The following HDAC4 variants were observed in gnomAD, a reference collection of about 807,000 sequenced individuals.
The protein encoded by HDAC4 is histone deacetylase A.
A neutral mutation model predicts 135.1 loss-of-function variants in HDAC4; 16 were observed. That is an observed-to-expected ratio of 0.12 (90% confidence interval 0.08 to 0.18). The LOEUF (loss-of-function observed/expected upper bound fraction) is 0.18. Ranked by LOEUF, HDAC4 falls within the 10% of genes least tolerant of loss-of-function variation. HDAC4 has a pLI of 1.00. For missense variants in HDAC4, 1,143 were observed against 1,511.8 expected (o/e 0.76, Z 4.05); for synonymous variants, 685 against 653.4 (o/e 1.05, Z -0.74).
intron 1 of HDAC4, among the ~76,000 whole-genome samples, chr2:239,387,062 T>C (rs1400031726): frequency 2.0e-5 from 3 of 151,940 alleles, no homozygotes; most frequent in Admixed American, 6.5e-5. Flanking sequence ...TGAGGGTGTG[T>C]GCGTGTCCGG....
intron 11 of HDAC4, among the ~76,000 whole-genome samples, chr2:239,127,078 G>C (rs893715910): frequency 1.3e-5 from 2 of 152,180 alleles, no homozygotes; most frequent in African/African-American, 4.8e-5. Flanking sequence ...TGGGAGGGGA[G>C]AGAGGGCCAC....
intron 15 of HDAC4, among the ~76,000 whole-genome samples, chr2:239,104,367 T>G (rs2037934126): frequency 6.6e-6 from 1 of 152,186 alleles, no homozygotes; most frequent in Admixed American, 6.5e-5. Context: ...TAGCTGGGAT[T>G]ATAGGTGCCC....
chr2:239,182,865 G>A (rs915415249), intron 4 of HDAC4, among the ~76,000 whole-genome samples: 2 of 152,194 alleles, frequency 1.3e-5, no homozygotes, highest in African/African-American at 4.8e-5. Flanking sequence ...CTAGCATCGT[G>A]AATAGGTACT....
intron 1 of HDAC4, among the ~76,000 whole-genome samples, chr2:239,386,236 G>A (rs2126081640): frequency 6.6e-6 from 1 of 152,226 alleles, no homozygotes; most frequent in African/African-American, 2.4e-5. Flanking sequence ...CTGGGGCTGG[G>A]GCGGCCGCAC....
At chr2:239,147,523 G>C (rs1373818953) in intron 7 of HDAC4, among the ~76,000 whole-genome samples, 1 of 152,290 alleles carries the variant, frequency 6.6e-6, no homozygotes, top group Non-Finnish European at 1.5e-5. Context: ...GCTCAGTGCA[G>C]CAGCCCCTTC....
Position 239,349,838 on chromosome 2 carries a change from A to T in HDAC4, c.22+2840T>A, listed in dbSNP as rs1692991708. On this transcript the variant is annotated intron_variant, in intron 2 of 26. Transcript: ENST00000543185. This position sits in a 1 kb window ranked among gnomAD's most constrained non-coding sequence, Gnocchi z 5.7. ...TCAGCTGTACCCCCTGCACAGATGGAGAGCAGAGAATGGGCTGGGCCAAGG... is the reference window on the plus strand; with the variant it reads ...TCAGCTGTACCCCCTGCACAGATGGTGAGCAGAGAATGGGCTGGGCCAAGG... Among the ~76,000 whole-genome samples the T allele has an allele frequency of 6.6e-6, 1 of 152,222 alleles. No individual in the cohort carries two copies. Among genetic ancestry groups the T allele is most frequent in the South Asian group, 2.1e-4 (1 of 4,832 alleles).
At position 239,232,135 on chromosome 2, in the gene HDAC4, C is replaced by A. The variant is rs538681919; in HGVS notation, c.94+4458G>T. ...GCTGGAAGCCAGCTCGACCTCCAGC[C>A]TTGGAACCCAACACCCACCACTTTA... On this transcript the variant is annotated intron_variant, in intron 3 of 26. Coordinates refer to ENST00000543185, the MANE Select transcript of HDAC4 (RefSeq NM_001378414.1). Among the ~76,000 whole-genome samples the A allele has an allele frequency of 1.1e-3, 175 of 152,226 alleles. 1 individual carries two copies. Among genetic ancestry groups the A allele is most frequent in the Admixed American group, 1.6e-3 (25 of 15,290 alleles).
In HDAC4 at chr2:239,163,215, C is replaced by A. The variant is rs190779389; in HGVS notation, c.611+588G>T. Reference sequence around the variant, plus strand: ...TTCTTAGTATAAAATAATAGAAGTACCACGGGGGCTTCCTGACTAGCCTAA... The same window carrying A: ...TTCTTAGTATAAAATAATAGAAGTAACACGGGGGCTTCCTGACTAGCCTAA... On this transcript the variant is annotated intron_variant, in intron 6 of 26. Transcript: ENST00000543185. Among the ~76,000 whole-genome samples the A allele has an allele frequency of 3.6e-4, 55 of 152,274 alleles. 1 individual carries two copies. The East Asian group carries it at 0.01, about 28-fold the overall frequency.
chr2:239,157,797 T>A (rs2042521764), intron 6 of HDAC4, among the ~76,000 whole-genome samples: 1 of 152,166 alleles, frequency 6.6e-6, no homozygotes, highest in Non-Finnish European at 1.5e-5. Context: ...TACAGGTGTA[T>A]ATTTAAATAT....
intron 2 of HDAC4, among the ~76,000 whole-genome samples, chr2:239,341,447 G>A (rs1439809467): frequency 6.6e-6 from 1 of 152,242 alleles, no homozygotes; most frequent in Admixed American, 6.5e-5. Context: ...AAAACAAAGA[G>A]TGTCAAGAAT....
intron 16 of HDAC4, among the ~76,000 whole-genome samples, chr2:239,101,875 C>T (rs977941124): frequency 3.3e-5 from 5 of 150,620 alleles, no homozygotes; most frequent in Non-Finnish European, 5.9e-5. Context: ...TGGACACCCC[C>T]GGCCCCGGGT....
At chr2:239,212,088 C>T (rs2046378669) in intron 3 of HDAC4, among the ~76,000 whole-genome samples, 1 of 152,144 alleles carries the variant, frequency 6.6e-6, no homozygotes, top group African/African-American at 2.4e-5. Flanking sequence ...GTTGGGAAAA[C>T]GATGTTCTGT....
chr2:239,397,382 A>G (rs976253921), intron 1 of HDAC4, among the ~76,000 whole-genome samples: 1 of 152,198 alleles, frequency 6.6e-6, no homozygotes, highest in African/African-American at 2.4e-5. Context: ...ATCTGGCGTC[A>G]GCTACGGGAG....
At chr2:239,089,831 G>T in intron 18 of HDAC4, 178 bp downstream of exon 18, 1 of 622,786 alleles carries the variant, frequency 1.6e-6, no homozygotes, top group Non-Finnish European at 3.0e-6. Context: ...TATCACAAAT[G>T]TGGGCAATGT....
chr2:239,261,129 C>T (rs2049337635), intron 2 of HDAC4, among the ~76,000 whole-genome samples: 1 of 152,118 alleles, frequency 6.6e-6, no homozygotes, highest in African/African-American at 2.4e-5. Context: ...TGGGCTTAAG[C>T]CTCAGCCTCC....
intron 3 of HDAC4, among the ~76,000 whole-genome samples, chr2:239,209,941 C>A (rs959213018): frequency 6.6e-6 from 1 of 152,152 alleles, no homozygotes; most frequent in African/African-American, 2.4e-5. Flanking sequence ...GGAGACCCCA[C>A]TTTACGCCCA....
At chr2:239,392,779 C>CG (rs1696314824) in intron 1 of HDAC4, among the ~76,000 whole-genome samples, 2 of 152,232 alleles carry the variant, frequency 1.3e-5, no homozygotes, top group African/African-American at 4.8e-5. Context: ...GGCCCTTGGC[C>CG]ACGCTCTGCT....
intron 6 of HDAC4, 124 bp from the exon 7 acceptor site, chr2:239,156,897 C>A: frequency 1.1e-6 from 1 of 909,862 alleles, no homozygotes; most frequent in Non-Finnish European, 1.7e-6. Context: ...AACAGACACA[C>A]CTTTTCCCTA....
intron 2 of HDAC4, among the ~76,000 whole-genome samples, chr2:239,345,566 A>T (rs778341775): frequency 3.3e-5 from 5 of 150,546 alleles, no homozygotes; most frequent in Non-Finnish European, 7.4e-5. Context: ...ACACACACAC[A>T]CCCAACACAC....
Sources: gnomAD v4.1 joint callset for allele counts (sites outside exome capture counted in the v4.1 genomes callset) on GRCh38, gnomAD v4.1.1 for gene constraint, Gnocchi (gnomAD v3.1) non-coding constraint, MANE v1.5 for transcripts, NCBI Gene and HGNC (gene_info 2026-07-23, HGNC 2026-07-21) for gene names.